Variants in ATG7 observed in about 807,000 individuals in gnomAD.
ATG7 encodes the protein autophagy related 7.
Under a neutral mutation model 82.4 loss-of-function variants are expected in ATG7, and 70 were observed. The observed-to-expected ratio is 0.85, with a 90% CI of 0.70 to 1.04. The LOEUF (loss-of-function observed/expected upper bound fraction) is 1.04. ATG7 is among the 50% of genes least tolerant of loss of function. The pLI, the probability that ATG7 is intolerant of heterozygous loss-of-function variation, is 0.00. For synonymous variants in ATG7, 287 were observed against 313.0 expected, an observed-to-expected ratio of 0.92 and a Z score of 0.88; for missense variants, 792 against 864.3, an observed-to-expected ratio of 0.92 and a Z score of 1.05.
chr3:11,457,139 C>T (rs1448833606), intron 20 of ATG7, among the ~76,000 whole-genome samples: 4 of 152,172 alleles, frequency 2.6e-5, no homozygotes, highest in Admixed American at 2.6e-4. Flanking sequence ...TGATCAGACC[C>T]TAAGAAAACA....
intron 20 of ATG7, among the ~76,000 whole-genome samples, chr3:11,517,810 A>G (rs2092326481): frequency 6.6e-6 from 1 of 152,240 alleles, no homozygotes; most frequent in African/African-American, 2.4e-5. Flanking sequence ...GAGTTGAAGC[A>G]CAGGCTGGGG....
chr3:11,452,186 A>G (rs996935896), intron 20 of ATG7, among the ~76,000 whole-genome samples: 4 of 151,946 alleles, frequency 2.6e-5, no homozygotes, highest in African/African-American at 9.7e-5. Flanking sequence ...GGCATTCAAG[A>G]CCAGCCTGGC....
At chr3:11,368,563 G>C (rs537241148) in intron 18 of ATG7, among the ~76,000 whole-genome samples, 2 of 152,060 alleles carry the variant, frequency 1.3e-5, no homozygotes, top group African/African-American at 4.8e-5. Context: ...AGGCTGAGGT[G>C]GGAGAATTGC....
intron 20 of ATG7, among the ~76,000 whole-genome samples, chr3:11,449,611 C>T (rs2084912218): frequency 6.6e-6 from 1 of 152,128 alleles, no homozygotes; most frequent in Non-Finnish European, 1.5e-5. Flanking sequence ...GGTTATGGCT[C>T]GCTAAATCAA....
chr3:11,321,089 T>C (rs1950150619), intron 9 of ATG7, among the ~76,000 whole-genome samples: 1 of 152,146 alleles, frequency 6.6e-6, no homozygotes, highest in Non-Finnish European at 1.5e-5. Flanking sequence ...TGTCTGGGAA[T>C]GTTTTGGAAG....
intron 20 of ATG7, among the ~76,000 whole-genome samples, chr3:11,478,902 T>G (rs2153028356): frequency 6.6e-6 from 1 of 152,094 alleles, no homozygotes; most frequent in South Asian, 2.1e-4. Context: ...ATTGAGATAT[T>G]TAAGCTCTGG....
At chr3:11,574,944 C>T in the ATG7 span, among the ~76,000 whole-genome samples, 135 of 151,986 alleles carry the variant, frequency 8.9e-4, no homozygotes, top group Non-Finnish European at 7.1e-4. Context: ...GCTTGTCGGC[C>T]GAGTTACCAT....
At chr3:11,398,567 G>A (rs571022264) in intron 19 of ATG7, among the ~76,000 whole-genome samples, 1 of 152,306 alleles carries the variant, frequency 6.6e-6, no homozygotes, top group South Asian at 2.1e-4. Context: ...GGAGAAAGCA[G>A]TACTTAATAA....
At chr3:11,366,856 C>T (rs772657841) in intron 18 of ATG7, among the ~76,000 whole-genome samples, 2 of 152,066 alleles carry the variant, frequency 1.3e-5, no homozygotes, top group Non-Finnish European at 2.9e-5. Context: ...TTCACCAACT[C>T]TTCTAGTTCT....
chr3:11,345,282 G>A (rs768160580), intron 13 of ATG7, among the ~76,000 whole-genome samples: 24 of 152,270 alleles, frequency 1.6e-4, no homozygotes, highest in Non-Finnish European at 2.6e-4. Context: ...GGTGGCAGGC[G>A]CCTGTGGTCC....
the ATG7 span, among the ~76,000 whole-genome samples, chr3:11,573,344 A>G: frequency 8.2e-4 from 82 of 99,774 alleles, 4 homozygotes; most frequent in East Asian, 0.014. Context: ...AGAAAGAAAG[A>G]AAGAAAGAAA....
At chr3:11,392,579 C>A (rs113141872) in intron 19 of ATG7, among the ~76,000 whole-genome samples, 3 of 152,190 alleles carry the variant, frequency 2.0e-5, no homozygotes, top group African/African-American at 7.2e-5. Flanking sequence ...CCCAGCAAAA[C>A]CCACACCCCA....
chr3:11,564,711 T>TCCCTCACCACCTCCCTCCCTCAC, the ATG7 span: 6 of 1,380,780 alleles, frequency 4.3e-6, no homozygotes, highest in African/African-American at 4.4e-5. Context: ...ACCACCGCCC[T>TCCCTCACCACCTCCCTCCCTCAC]CGGAGTCCTC....
At chr3:11,565,106 TTTAA>T in the ATG7 span, 28 of 1,258,338 alleles carry the variant, frequency 2.2e-5, no homozygotes, top group Non-Finnish European at 2.9e-5. This position sits in a 1 kb window ranked among gnomAD's most constrained non-coding sequence, Gnocchi z 4.1. Flanking sequence ...GTGTTGCTTA[TTTAA>T]TTTTTTACCC....
At chr3:11,546,787 C>T (rs995305667) in intron 20 of ATG7, among the ~76,000 whole-genome samples, 12 of 152,228 alleles carry the variant, frequency 7.9e-5, no homozygotes, top group African/African-American at 2.7e-4. Context: ...TGCAGAGTGG[C>T]AGCCCATCCC....
intron 3 of ATG7, 59 bp from the exon 4 acceptor site, chr3:11,298,627 T>C: frequency 6.7e-7 from 1 of 1,499,124 alleles, no homozygotes; most frequent in South Asian, 1.2e-5. Flanking sequence ...AAATGTTCTT[T>C]CTCACCAGGT....
rs539818800 is a variant in ATG7, at chr3:11,443,385, T to C, written c.2079+16459T>C. On this transcript the variant is annotated intron_variant, in intron 20 of 20. Coordinates refer to ENST00000693202, the MANE Select transcript of ATG7 (RefSeq NM_001349232.2). ...CATGCATGTTTGAGGTGGTTTCCTT[T>C]TCTTCGTTGTTGTTTTTTGAGACAG... Among the ~76,000 whole-genome samples, 7 of 152,334 alleles carry C rather than the reference T, an allele frequency of 4.6e-5. 1 individual carries two copies. The South Asian group carries it at 1.5e-3, about 32-fold the overall frequency.
chr3:11,331,324 T>C lies in ATG7; in HGVS notation c.679-16T>C. 2 of 1,585,660 alleles carry C rather than the reference T, an allele frequency of 1.3e-6. No individual in the cohort carries two copies. Among genetic ancestry groups the C allele is most frequent in the Non-Finnish European group, 1.7e-6 (2 of 1,154,496 alleles). On this transcript the variant is annotated splice_polypyrimidine_tract_variant and intron_variant, in intron 9 of 20. Coordinates refer to ENST00000693202, the MANE Select transcript of ATG7 (RefSeq NM_001349232.2). ...CATGATACTCGACTTACTCAGAAAG[T>C]CTTTTTTGTTCACAGATAACAATTG...
chr3:11,553,346 C>T (rs879647447), intron 20 of ATG7, among the ~76,000 whole-genome samples: 5 of 152,146 alleles, frequency 3.3e-5, no homozygotes, highest in Non-Finnish European at 7.3e-5. Context: ...CAGGTCTACA[C>T]AGCGTGTGGC....
Sources: allele counts gnomAD v4.1 joint callset (sites outside exome capture counted in the v4.1 genomes callset), GRCh38; gene constraint gnomAD v4.1.1; non-coding constraint Gnocchi (gnomAD v3.1); transcripts MANE v1.5; gene names NCBI Gene and HGNC (gene_info 2026-07-23, HGNC 2026-07-21).